The following TMEM41B variants were observed in gnomAD, a reference collection of about 807,000 sequenced individuals.
TMEM41B encodes protein stasimon.
A neutral mutation model predicts 31.9 loss-of-function variants in TMEM41B; 18 were observed. That is an observed-to-expected ratio of 0.56 (90% CI 0.39 to 0.84). The LOEUF (loss-of-function observed/expected upper bound fraction) is 0.84. Among genes scored for constraint, TMEM41B ranks in the 40% least tolerant of loss-of-function variants. TMEM41B has a pLI of 0.00. For missense variants in TMEM41B, 322 were observed against 348.0 expected (o/e 0.93, Z 0.59); for synonymous variants, 144 against 124.3 (o/e 1.16, Z -1.05).
chr11:9,283,427 C>A lies in TMEM41B; in HGVS notation c.873G>T (p.Glu291Asp). The change falls in exon 7 of 7, where the codon GAG (glutamate) becomes GAT (aspartate). Residue 291 changes from glutamate to aspartate, a missense_variant. Physicochemically the swap from Glu to Asp is conservative, Grantham distance 45. Transcript: ENST00000528080. ...IFQKKLKQKF[E>D] The stretch of plus-strand genomic sequence containing the variant: ...ACTAAAAATCAGATGATTATTTTTA[C>A]TCAAATTTCTGCTTTAGTTTTTTTT... 6.2e-7 allele frequency: 1 copy of A among 1,603,660 alleles called. No individual in the cohort carries two copies. The highest frequency in any genetic ancestry group is 8.5e-7 in the Non-Finnish European group (1 of 1,175,642).
chr11:9,286,431 C>G (rs1304401539), intron 6 of TMEM41B, 24 bp downstream of exon 6: 2 of 1,598,420 alleles, frequency 1.3e-6, no homozygotes, highest in South Asian at 1.1e-5. Flanking sequence ...TGAGCTCATA[C>G]ACAGCAAGAA....
At chr11:9,312,672 G>A (rs886839496) in intron 1 of TMEM41B, among the ~76,000 whole-genome samples, 3 of 152,094 alleles carry the variant, frequency 2.0e-5, no homozygotes, top group Non-Finnish European at 4.4e-5. Flanking sequence ...TTGGGAGGCC[G>A]AGGCGGGCGG....
At chr11:9,292,761 AG>A (rs1852987476) in intron 3 of TMEM41B, among the ~76,000 whole-genome samples, 2 of 152,018 alleles carry the variant, frequency 1.3e-5, no homozygotes, top group African/African-American at 4.8e-5. Context: ...GGTCTCCCAA[AG>A]TGCTGGGATT....
chr11:9,286,373 G>T, intron 6 of TMEM41B, 82 bp downstream of exon 6: 1 of 1,376,972 alleles, frequency 7.3e-7, no homozygotes, highest in Non-Finnish European at 9.9e-7. Context: ...TCTGCAGAGA[G>T]CATGCATGTA....
rs1436127064 is a variant in TMEM41B, at chr11:9,282,727, A to C, written c.*697T>G. 1 of 151,980 alleles carries C rather than the reference A, an allele frequency of 6.6e-6. No individual in the cohort carries two copies. Among genetic ancestry groups the C allele is most frequent in the Non-Finnish European group, 1.5e-5 (1 of 67,990 alleles). 9.4% of individuals were successfully genotyped at this position (151,980 alleles called of 1,614,324 possible). Reference sequence around the variant, plus strand: ...GGCGGGCAGATCACGAGGTCAGGAGATCGAGACCATCCTGGCTAACACGGT... The same window carrying C: ...GGCGGGCAGATCACGAGGTCAGGAGCTCGAGACCATCCTGGCTAACACGGT... On this transcript the variant is annotated 3_prime_UTR_variant, in exon 7 of 7. Transcript: ENST00000528080.
intron 1 of TMEM41B, chr11:9,311,286 G>T: frequency 6.6e-7 from 1 of 1,514,854 alleles, no homozygotes. Context: ...TATTCAGTCA[G>T]AATCACTGCT....
At chr11:9,286,768 G>C (rs905650542) in intron 5 of TMEM41B, among the ~76,000 whole-genome samples, 175 bp from the exon 6 acceptor site, 26 of 152,364 alleles carry the variant, frequency 1.7e-4, no homozygotes, top group African/African-American at 4.8e-4. Context: ...GGGAGGCTGA[G>C]GCAGGCGGAT....
At chr11:9,303,857 G>A (rs1293225539) in intron 1 of TMEM41B, among the ~76,000 whole-genome samples, 5 of 151,868 alleles carry the variant, frequency 3.3e-5, no homozygotes, top group East Asian at 1.9e-4. Context: ...TAGTAGAAAC[G>A]GAGTTTCACA....
chr11:9,296,860 G>A (rs369239479), intron 2 of TMEM41B, among the ~76,000 whole-genome samples: 1 of 152,228 alleles, frequency 6.6e-6, no homozygotes, highest in East Asian at 1.9e-4. Context: ...ATGATTTCTT[G>A]CTTAGGAAAG....
chr11:9,288,592 A>T, intron 3 of TMEM41B, 57 bp from the exon 4 acceptor site: 1 of 1,257,922 alleles, frequency 7.9e-7, no homozygotes, highest in Non-Finnish European at 1.1e-6. Context: ...TAAAAGACAA[A>T]TGTAACATTT....
chr11:9,284,863 T>C (rs1590369742), intron 6 of TMEM41B, among the ~76,000 whole-genome samples: 1 of 152,062 alleles, frequency 6.6e-6, no homozygotes, highest in Admixed American at 6.6e-5. Context: ...CAAAAGTACA[T>C]AGAGAATGAT....
chr11:9,302,477 G>T (rs1853285831), intron 1 of TMEM41B, among the ~76,000 whole-genome samples: 2 of 99,634 alleles, frequency 2.0e-5, no homozygotes, highest in African/African-American at 7.8e-5. Flanking sequence ...ACCCCCGCAA[G>T]AGACAGGGTC....
chr11:9,305,683 G>T (rs1020582014), intron 1 of TMEM41B, among the ~76,000 whole-genome samples: 133 of 152,242 alleles, frequency 8.7e-4, no homozygotes, highest in African/African-American at 3.1e-3. Flanking sequence ...CCATCTAAAA[G>T]TATGCTACTT....
At position 9,302,855 on chromosome 11, in the gene TMEM41B, A is replaced by C. The variant is rs1853291173; in HGVS notation, c.122-3154T>G. On this transcript the variant is annotated intron_variant, in intron 1 of 6. Coordinates refer to ENST00000528080, the MANE Select transcript of TMEM41B (RefSeq NM_015012.4). ...AGGGTATACTATTTTTTAAAAAAAAATCCTGAGCCAGAGTGGTGGTGGTGT... is the reference window on the plus strand; with the variant it reads ...AGGGTATACTATTTTTTAAAAAAAACTCCTGAGCCAGAGTGGTGGTGGTGT... 2.0e-5 allele frequency among the ~76,000 whole-genome samples: 2 copies of C among 99,660 alleles called. 1 individual carries two copies. Among genetic ancestry groups the C allele is most frequent in the African/African-American group, 7.8e-5 (2 of 25,734 alleles). 65.4% of individuals were successfully genotyped at this position (99,660 alleles called of 152,430 possible).
At chr11:9,304,865 C>T (rs2133642100) in intron 1 of TMEM41B, among the ~76,000 whole-genome samples, 1 of 152,246 alleles carries the variant, frequency 6.6e-6, no homozygotes, top group South Asian at 2.1e-4. Context: ...ACCATGTTGG[C>T]CAGGATGGTC....
rs141818518 is a variant in TMEM41B, at chr11:9,291,354, C to A, written c.369-2819G>T. Among the ~76,000 whole-genome samples, 291 of 151,946 alleles carry A rather than the reference C, an allele frequency of 1.9e-3. 1 individual carries two copies. Among genetic ancestry groups the A allele is most frequent in the African/African-American group, 6.8e-3 (282 of 41,452 alleles). On this transcript the variant is annotated intron_variant, in intron 3 of 6. Transcript: ENST00000528080. The stretch of plus-strand genomic sequence containing the variant: ...CCGAGATCGCGTCGCTACACTCCAG[C>A]CTGGGAAACAGAGTGAGACTCCCAT...
chr11:9,306,275 A>G (rs910780674), intron 1 of TMEM41B, among the ~76,000 whole-genome samples: 2 of 151,464 alleles, frequency 1.3e-5, no homozygotes, highest in Non-Finnish European at 1.5e-5. Context: ...CACCACGCCC[A>G]GCCAGTACTC....
intron 1 of TMEM41B, among the ~76,000 whole-genome samples, chr11:9,310,391 C>A (rs1318540674): frequency 1.3e-5 from 2 of 150,386 alleles, no homozygotes. Flanking sequence ...AAAGATTAAA[C>A]AAAAAAAAAC....
At position 9,307,874 on chromosome 11, in the gene TMEM41B, T is replaced by A. The variant is rs1456540528; in HGVS notation, c.121+6447A>T. On this transcript the variant is annotated intron_variant, in intron 1 of 6. Transcript: ENST00000528080. Reference sequence around the variant, plus strand: ...CATTCTCCTGCCTCAGCCTCCCAAGTAGCTGGGACTACAGGCACCACCCGC... The same window carrying A: ...CATTCTCCTGCCTCAGCCTCCCAAGAAGCTGGGACTACAGGCACCACCCGC... Among the ~76,000 whole-genome samples, 9 of 152,072 alleles carry A rather than the reference T, an allele frequency of 5.9e-5. 1 individual carries two copies. In the South Asian group the frequency reaches 8.3e-4, roughly 14 times the overall value.
Sources: allele counts gnomAD v4.1 joint callset (sites outside exome capture counted in the v4.1 genomes callset), GRCh38; gene constraint gnomAD v4.1.1; transcripts MANE v1.5; gene names NCBI Gene and HGNC (gene_info 2026-07-23, HGNC 2026-07-21).